The following RPSA2 variants were observed in gnomAD, a reference collection of about 807,000 sequenced individuals.
RPSA2 encodes the protein small ribosomal subunit protein uS2B.
At chr19:23,801,210 G>A in the RPSA2 span, among the ~76,000 whole-genome samples, 1 of 151,474 alleles carries the variant, frequency 6.6e-6, no homozygotes, top group African/African-American at 2.4e-5. Flanking sequence ...CAAAACAAAA[G>A]TTTCATTTGA....
At chr19:23,778,722 C>T in the RPSA2 span, among the ~76,000 whole-genome samples, 12 of 152,236 alleles carry the variant, frequency 7.9e-5, no homozygotes, top group Admixed American at 4.6e-4. Context: ...AGACCCATCA[C>T]CTGGATGATG....
the RPSA2 span, among the ~76,000 whole-genome samples, chr19:23,854,126 A>T: frequency 6.6e-6 from 1 of 152,178 alleles, no homozygotes; most frequent in Non-Finnish European, 1.5e-5. Flanking sequence ...TGACTCACTG[A>T]CTGGAATGGA....
the RPSA2 span, chr19:23,832,728 A>G: frequency 6.8e-4 from 1,044 of 1,540,240 alleles, 1 homozygote; most frequent in Non-Finnish European, 8.5e-4. Flanking sequence ...ACAAATGTGA[A>G]GAATATGAAA....
chr19:23,858,991 T>G, the RPSA2 span, among the ~76,000 whole-genome samples: 2 of 152,154 alleles, frequency 1.3e-5, no homozygotes, highest in African/African-American at 4.8e-5. Flanking sequence ...TTTCAGGAGA[T>G]TCAGGAGAGA....
At chr19:23,863,375 C>T in the RPSA2 span, among the ~76,000 whole-genome samples, 2 of 152,176 alleles carry the variant, frequency 1.3e-5, no homozygotes, top group African/African-American at 2.4e-5. Flanking sequence ...ACCAGCCTGG[C>T]CAACATGGTG....
chr19:23,831,397 T>A, the RPSA2 span, among the ~76,000 whole-genome samples: 1 of 152,280 alleles, frequency 6.6e-6, no homozygotes, highest in African/African-American at 2.4e-5. Context: ...ACACACTTAT[T>A]TATAAATTTT....
At chr19:23,759,142 G>A in the RPSA2 span, among the ~76,000 whole-genome samples, 1 of 152,022 alleles carries the variant, frequency 6.6e-6, no homozygotes, top group Admixed American at 6.6e-5. Context: ...AACCTTCTGT[G>A]TAAGGTCACA....
At chr19:23,781,201 C>T in the RPSA2 span, among the ~76,000 whole-genome samples, 5 of 152,184 alleles carry the variant, frequency 3.3e-5, no homozygotes, top group Non-Finnish European at 7.3e-5. Flanking sequence ...TCTCGAACTC[C>T]TGACCTCATG....
the RPSA2 span, among the ~76,000 whole-genome samples, chr19:23,867,459 G>C: frequency 5.3e-5 from 8 of 152,308 alleles, no homozygotes; most frequent in African/African-American, 4.8e-5. Context: ...AAAGGACATG[G>C]AATATCAGAG....
At chr19:23,860,844 A>G in the RPSA2 span, among the ~76,000 whole-genome samples, 1 of 152,172 alleles carries the variant, frequency 6.6e-6, no homozygotes, top group Non-Finnish European at 1.5e-5. Flanking sequence ...CACAAATAGA[A>G]GAAAACAGAC....
chr19:23,797,668 T>G, the RPSA2 span, among the ~76,000 whole-genome samples: 7 of 152,342 alleles, frequency 4.6e-5, no homozygotes, highest in East Asian at 1.2e-3. Flanking sequence ...TGTCTATTAG[T>G]GCCTGTGGGA....
At chr19:23,806,897 T>A in the RPSA2 span, among the ~76,000 whole-genome samples, 36 of 152,150 alleles carry the variant, frequency 2.4e-4, no homozygotes, top group African/African-American at 8.4e-4. Context: ...AATATCTCTA[T>A]CTTGGACTTT....
chr19:23,850,167 T>C, the RPSA2 span, among the ~76,000 whole-genome samples: 2 of 151,298 alleles, frequency 1.3e-5, no homozygotes, highest in Non-Finnish European at 2.9e-5. Flanking sequence ...ATTGTTAGTA[T>C]AGATTTCTGC....
At chr19:23,758,797 C>G in the RPSA2 span, 4 of 1,613,918 alleles carry the variant, frequency 2.5e-6, no homozygotes, top group Admixed American at 6.7e-5. Context: ...ATCGCCAATA[C>G]CTGCAGGTCA....
the RPSA2 span, among the ~76,000 whole-genome samples, chr19:23,870,250 G>T: frequency 2.0e-5 from 3 of 152,160 alleles, no homozygotes; most frequent in Non-Finnish European, 4.4e-5. Context: ...GGCTCAGTAT[G>T]TAGAGGACTG....
the RPSA2 span, chr19:23,758,714 C>G: frequency 6.2e-7 from 1 of 1,614,196 alleles, no homozygotes; most frequent in South Asian, 1.1e-5. Context: ...AGCCCCTTCC[C>G]CTCTCTCGGG....
At chr19:23,857,775 GT>G in the RPSA2 span, among the ~76,000 whole-genome samples, 1 of 152,074 alleles carries the variant, frequency 6.6e-6, no homozygotes, top group Admixed American at 6.6e-5. Flanking sequence ...GATTGCAGGA[GT>G]GAGCCACTGC....
chr19:23,815,667 C>T, the RPSA2 span, among the ~76,000 whole-genome samples: 7 of 152,194 alleles, frequency 4.6e-5, no homozygotes, highest in East Asian at 3.9e-4. Flanking sequence ...ATGATTAATA[C>T]GGTCTGCAAT....
the RPSA2 span, among the ~76,000 whole-genome samples, chr19:23,825,129 G>A: frequency 1.3e-5 from 2 of 151,920 alleles, no homozygotes; most frequent in African/African-American, 2.4e-5. Context: ...ACAGGTGCCC[G>A]CCACCACGCC....
Sources: gnomAD v4.1 joint callset for allele counts (sites outside exome capture counted in the v4.1 genomes callset) on GRCh38, gnomAD v4.1.1 for gene constraint, MANE v1.5 for transcripts, NCBI Gene and HGNC (gene_info 2026-07-23, HGNC 2026-07-21) for gene names.